ADAM32: variants seen among roughly 807,000 people sequenced by gnomAD.
ADAM32 encodes the protein disintegrin and metalloproteinase domain-containing protein 32.
ADAM32 carries 89 observed loss-of-function variants against 114.9 expected under a neutral mutation model. That is an observed-to-expected ratio of 0.77 (90% CI 0.65 to 0.92). The LOEUF is 0.92. ADAM32 is among the 40% of genes least tolerant of loss of function. The pLI is 0.00. For synonymous variants in ADAM32, 285 were observed against 307.5 expected, an observed-to-expected ratio of 0.93 and a Z score of 0.77; for missense variants, 870 against 932.8, an observed-to-expected ratio of 0.93 and a Z score of 0.88.
intron 14 of ADAM32, among the ~76,000 whole-genome samples, chr8:39,228,245 A>G (rs920046151): frequency 1.3e-5 from 2 of 152,152 alleles, no homozygotes; most frequent in African/African-American, 2.4e-5. Context: ...CAGAAAACCA[A>G]TCCTGGTAAT....
Position 39,182,019 on chromosome 8 carries a change from T to C in ADAM32, c.916-4890T>C, listed in dbSNP as rs370192965. ...TACTTACACTTTTACAAAGCCACAATAATTTTGAAGAACGACAAAGTTGAG... is the reference window on the plus strand; with the variant it reads ...TACTTACACTTTTACAAAGCCACAACAATTTTGAAGAACGACAAAGTTGAG... On this transcript the variant is annotated intron_variant, in intron 10 of 24. Transcript: ENST00000379907. Among the ~76,000 whole-genome samples the C allele has an allele frequency of 4.6e-5, 7 of 152,330 alleles. No individual in the cohort carries two copies. In the East Asian group the frequency reaches 1.3e-3, roughly 29 times the overall value.
chr8:39,190,745 T>TGA (rs1231505644), intron 11 of ADAM32, among the ~76,000 whole-genome samples: 4 of 152,156 alleles, frequency 2.6e-5, no homozygotes, highest in African/African-American at 9.7e-5. Flanking sequence ...CACTTTTAAG[T>TGA]GAGATTTACT....
At chr8:39,152,179 C>A (rs2129445609) in intron 6 of ADAM32, among the ~76,000 whole-genome samples, 1 of 152,102 alleles carries the variant, frequency 6.6e-6, no homozygotes, top group African/African-American at 2.4e-5. Context: ...TATTCATGAC[C>A]AACGAGTCAG....
At position 39,120,080 on chromosome 8, in the gene ADAM32, G is replaced by A. The variant is rs1348254559; in HGVS notation, c.138+1915G>A. Among the ~76,000 whole-genome samples the A allele has an allele frequency of 2.0e-5, 3 of 152,326 alleles. No homozygotes were observed. In the South Asian group the frequency reaches 6.2e-4, roughly 32 times the overall value. On this transcript the variant is annotated intron_variant, in intron 2 of 24. Coordinates refer to ENST00000379907, the MANE Select transcript of ADAM32 (RefSeq NM_145004.7). ...GCCTCACCAGAAATCAGCCCTGTTG[G>A]CACCTTGATCTTGGACTTCCAGCCT... is the stretch of plus-strand genomic sequence containing the variant.
chr8:39,240,768 G>A (rs189010210), intron 16 of ADAM32, among the ~76,000 whole-genome samples: 107 of 152,224 alleles, frequency 7.0e-4, no homozygotes, highest in African/African-American at 2.1e-3. Context: ...TGCCCTCATG[G>A]TTCAATTACC....
intron 12 of ADAM32, among the ~76,000 whole-genome samples, chr8:39,216,933 T>C (rs1054625215): frequency 1.3e-5 from 2 of 152,096 alleles, no homozygotes; most frequent in African/African-American, 4.8e-5. Flanking sequence ...GTAGGTACTC[T>C]TACCAGTGAG....
At chr8:39,228,550 G>A (rs1446131329) in intron 14 of ADAM32, among the ~76,000 whole-genome samples, 1 of 152,144 alleles carries the variant, frequency 6.6e-6, no homozygotes, top group Non-Finnish European at 1.5e-5. Context: ...GAAAGTCTTA[G>A]CAATAGAACT....
chr8:39,275,301 T>C (rs908510877), intron 21 of ADAM32, among the ~76,000 whole-genome samples: 2 of 152,220 alleles, frequency 1.3e-5, no homozygotes, highest in Non-Finnish European at 2.9e-5. Context: ...CCTTTCGCAT[T>C]TTCAATTCTC....
intron 16 of ADAM32, among the ~76,000 whole-genome samples, chr8:39,239,571 C>T (rs1810420064): frequency 6.6e-6 from 1 of 152,170 alleles, no homozygotes; most frequent in Non-Finnish European, 1.5e-5. Context: ...TAGTACCTCA[C>T]ATCTCAATAC....
chr8:39,117,875 G>A (rs530497412), intron 1 of ADAM32, among the ~76,000 whole-genome samples: 9 of 152,034 alleles, frequency 5.9e-5, no homozygotes, highest in African/African-American at 2.2e-4. Flanking sequence ...CACACATTTT[G>A]TGCGAGCTGC....
At position 39,151,393 on chromosome 8, in the gene ADAM32, G is replaced by A. The variant is rs1803815349; in HGVS notation, c.370G>A (p.Glu124Lys). ...ATTTCACAGAGGAATACTGCAATTT[G>A]AAAATGTTTCTTATGGAATTGAGCC... Reference protein sequence around the residue: ...CSGLRGILQFENVSYGIEPLE... With the variant: ...CSGLRGILQFKNVSYGIEPLE... Residue 124 changes from glutamate (E) to lysine (K), a missense_variant, in exon 6 of 25, where the codon GAA (glutamate) becomes AAA (lysine). Transcript: ENST00000379907. 6.3e-7 allele frequency: 1 copy of A among 1,588,562 alleles called. No homozygotes were observed. Among genetic ancestry groups the A allele is most frequent in the South Asian group, 1.2e-5 (1 of 84,860 alleles).
intron 19 of ADAM32, among the ~76,000 whole-genome samples, chr8:39,269,022 G>A (rs62504810): frequency 0.013 from 2,039 of 152,218 alleles, 20 homozygotes; most frequent in Middle Eastern, 0.031. Context: ...TCTGGCTCAG[G>A]CAGTTCCCTC....
intron 10 of ADAM32, 28 bp from the exon 11 acceptor site, chr8:39,186,881 C>T: frequency 6.5e-7 from 1 of 1,533,864 alleles, no homozygotes; most frequent in Non-Finnish European, 8.8e-7. Flanking sequence ...ATTATCTTTC[C>T]TTAGAATTTT....
At chr8:39,139,314 A>G (rs1407912626) in intron 3 of ADAM32, among the ~76,000 whole-genome samples, 6 of 152,164 alleles carry the variant, frequency 3.9e-5, no homozygotes, top group Non-Finnish European at 8.8e-5. Context: ...GTTAGGTCTT[A>G]CATTTAAGTC....
chr8:39,272,160 A>G (rs1355386780), intron 20 of ADAM32, among the ~76,000 whole-genome samples: 4 of 151,748 alleles, frequency 2.6e-5, no homozygotes, highest in African/African-American at 4.8e-5. Flanking sequence ...AAACATAAGT[A>G]GGATGAATAG....
intron 11 of ADAM32, among the ~76,000 whole-genome samples, chr8:39,205,986 C>T (rs1807803504): frequency 6.6e-6 from 1 of 152,152 alleles, no homozygotes; most frequent in Non-Finnish European, 1.5e-5. Flanking sequence ...AATATTGGCA[C>T]ATCTGGTGTA....
At position 39,257,250 on chromosome 8, in the gene ADAM32, C is replaced by A; in HGVS notation, c.2069C>A (p.Ala690Asp). The change falls in exon 19 of 25, where the codon GCT becomes GAT. Residue 690 changes from alanine (A) to aspartate (D), a missense_variant. Ala to Asp is a moderately radical substitution (Grantham distance 126). Transcript: ENST00000379907. ...ENTWLLGFLI[A>D]LPILIVTTAI... ...ACCTGGCTTCTAGGTTTCCTCATTG[C>A]TCTTCCTATTCTCATTGTAACAACC... 1 of 1,612,444 alleles carries A rather than the reference C, an allele frequency of 6.2e-7. No individual in the cohort carries two copies. Among genetic ancestry groups the A allele is most frequent in the South Asian group, 1.1e-5 (1 of 90,966 alleles).
intron 12 of ADAM32, among the ~76,000 whole-genome samples, chr8:39,211,656 A>G (rs1406106483): frequency 6.6e-6 from 1 of 152,224 alleles, no homozygotes; most frequent in Non-Finnish European, 1.5e-5. Context: ...AAGATTGATT[A>G]AGCAGCCCAA....
At chr8:39,150,013 T>C in intron 5 of ADAM32, 146 bp downstream of exon 5, 1 of 529,362 alleles carries the variant, frequency 1.9e-6, no homozygotes, top group Non-Finnish European at 3.2e-6. Context: ...ATGTTTCCAA[T>C]TCTCTTATTT....
Sources: allele counts gnomAD v4.1 joint callset (sites outside exome capture counted in the v4.1 genomes callset), GRCh38; gene constraint gnomAD v4.1.1; transcripts MANE v1.5; gene names NCBI Gene and HGNC (gene_info 2026-07-23, HGNC 2026-07-21).